GALNT1: variants seen among roughly 807,000 people sequenced by gnomAD.
GALNT1 encodes the protein GalNAc transferase 1.
GALNT1 carries 17 observed loss-of-function variants against 65.7 expected under a neutral mutation model. The ratio of observed to expected loss-of-function variants is 0.26; its 90% CI spans 0.18 to 0.39. The LOEUF is 0.39. Among genes scored for constraint, GALNT1 ranks in the 10% least tolerant of loss-of-function variants. The pLI is 1.00. For missense variants in GALNT1, 460 were observed against 672.8 expected (o/e 0.68, Z 3.50); for synonymous variants, 210 against 219.7 (o/e 0.96, Z 0.39).
chr18:35,623,363 T>C (rs533592349), intron 1 of GALNT1, among the ~76,000 whole-genome samples: 20 of 152,188 alleles, frequency 1.3e-4, no homozygotes, highest in Non-Finnish European at 2.4e-4. Context: ...TCTTTATCTT[T>C]GGTTTTCAAC....
upstream of GALNT1, chr18:35,581,434 G>T (rs1482734937): frequency 6.8e-6 from 1 of 146,658 alleles, no homozygotes; most frequent in African/African-American, 2.5e-5. Flanking sequence ...GCGCATCCGG[G>T]TGAGCGCCGG....
intron 1 of GALNT1, among the ~76,000 whole-genome samples, chr18:35,648,501 A>G (rs1388171857): frequency 6.6e-5 from 10 of 152,246 alleles, no homozygotes. Context: ...AGCATCTGTA[A>G]TTAATCACTA....
chr18:35,624,602 G>A (rs1419293855), intron 1 of GALNT1, among the ~76,000 whole-genome samples: 1 of 152,142 alleles, frequency 6.6e-6, no homozygotes, highest in Non-Finnish European at 1.5e-5. Context: ...GTCTATAGGT[G>A]TGGTTTCTCT....
intron 4 of GALNT1, among the ~76,000 whole-genome samples, chr18:35,680,255 C>G (rs1227075093): frequency 2.6e-5 from 4 of 152,122 alleles, no homozygotes; most frequent in Admixed American, 2.6e-4. Flanking sequence ...CCACCATCTC[C>G]CCAGCACTGT....
intron 9 of GALNT1, among the ~76,000 whole-genome samples, chr18:35,699,931 C>T (rs182344946): frequency 2.0e-5 from 3 of 152,104 alleles, no homozygotes; most frequent in Non-Finnish European, 4.4e-5. Context: ...TATGGAATTA[C>T]AATTTTGAAC....
chr18:35,697,595 A>G (rs1264712168), intron 9 of GALNT1, among the ~76,000 whole-genome samples: 1 of 152,188 alleles, frequency 6.6e-6, no homozygotes, highest in Non-Finnish European at 1.5e-5. Flanking sequence ...TGTTCTTCAG[A>G]TTGTGGTTTT....
chr18:35,649,099 TA>T (rs2047275889), intron 1 of GALNT1, among the ~76,000 whole-genome samples: 1 of 152,198 alleles, frequency 6.6e-6, no homozygotes, highest in African/African-American at 2.4e-5. Context: ...CCTGAATAAA[TA>T]GGAACGGGAT....
intron 4 of GALNT1, among the ~76,000 whole-genome samples, chr18:35,679,915 A>C (rs72964452): frequency 0.075 from 11,403 of 152,208 alleles, 458 homozygotes; most frequent in African/African-American, 0.095. Context: ...CTGGATATGG[A>C]AATAGACTAA....
rs1568013372 is a variant in GALNT1, at chr18:35,599,959, T to A, written c.-104+18097T>A. On this transcript the variant is annotated intron_variant, in intron 1 of 11. Transcript: ENST00000269195. ...TAATACATTTTGAAGTCAGGTAGTG[T>A]GATGCCTACAGCTTTATTCTTTTTG... 1.3e-5 allele frequency among the ~76,000 whole-genome samples: 2 copies of A among 152,246 alleles called. 1 individual carries two copies. The highest frequency in any genetic ancestry group is 4.1e-4 in the South Asian group (2 of 4,834).
At chr18:35,636,261 T>G (rs528504853) in intron 1 of GALNT1, among the ~76,000 whole-genome samples, 8 of 152,306 alleles carry the variant, frequency 5.3e-5, no homozygotes, top group African/African-American at 1.7e-4. Context: ...GAGTATAGAC[T>G]GTTTCCTCGA....
intron 1 of GALNT1, among the ~76,000 whole-genome samples, chr18:35,628,674 G>GGA (rs1182103022): frequency 3.2e-4 from 48 of 152,180 alleles, no homozygotes; most frequent in African/African-American, 1.1e-3. Flanking sequence ...CCTCCTCCAA[G>GGA]GGAACACAGC....
chr18:35,689,803 T>A (rs1408461776), intron 7 of GALNT1, among the ~76,000 whole-genome samples: 1 of 152,230 alleles, frequency 6.6e-6, no homozygotes, highest in Admixed American at 6.5e-5. Flanking sequence ...AGTCTTTGCA[T>A]TTCATGTTCA....
At chr18:35,685,157 A>G (rs964881461) in intron 5 of GALNT1, among the ~76,000 whole-genome samples, 1 of 152,164 alleles carries the variant, frequency 6.6e-6, no homozygotes, top group African/African-American at 2.4e-5. Context: ...TTACAGTGCA[A>G]ATCTGTTCAT....
At chr18:35,617,928 T>C (rs537095097) in intron 1 of GALNT1, among the ~76,000 whole-genome samples, 2 of 152,188 alleles carry the variant, frequency 1.3e-5, no homozygotes, top group South Asian at 2.1e-4. Context: ...TCCCTTTCTC[T>C]TCTTCTTTTC....
intron 1 of GALNT1, among the ~76,000 whole-genome samples, chr18:35,631,726 G>T (rs1370994907): frequency 6.6e-6 from 1 of 152,114 alleles, no homozygotes; most frequent in Non-Finnish European, 1.5e-5. Flanking sequence ...GCAGGAGAAA[G>T]AAATAAAGGG....
At chr18:35,697,691 T>C (rs2048082028) in intron 9 of GALNT1, among the ~76,000 whole-genome samples, 1 of 152,198 alleles carries the variant, frequency 6.6e-6, no homozygotes, top group South Asian at 2.1e-4. Context: ...CCCCACAATC[T>C]AAACTCTCAC....
intron 1 of GALNT1, among the ~76,000 whole-genome samples, chr18:35,620,510 TCCTC>T (rs1443725108): frequency 2.6e-4 from 39 of 152,180 alleles, no homozygotes; most frequent in African/African-American, 9.2e-4. Context: ...GCCCTTCCCT[TCCTC>T]CCTCCTCAGA....
At chr18:35,625,907 CT>C (rs2046911037) in intron 1 of GALNT1, among the ~76,000 whole-genome samples, 1 of 152,148 alleles carries the variant, frequency 6.6e-6, no homozygotes, top group African/African-American at 2.4e-5. Flanking sequence ...CTTACCTGGC[CT>C]TTGCTTTTCA....
rs2144802792 is a variant in GALNT1, at chr18:35,711,818, C to CAA, written c.*2051_*2052dup. 6.6e-6 allele frequency: 1 copy of CAA among 152,224 alleles called. No individual in the cohort carries two copies. The highest frequency in any genetic ancestry group is 2.1e-4 in the South Asian group (1 of 4,824). 9.4% of individuals were successfully genotyped at this position (152,224 alleles called of 1,614,324 possible). ...AGAATTCCTAAATACTTTGAAAATA[C>CAA]AAAATATTCCTGAATAGTTGTGCCT... On this transcript the variant is annotated 3_prime_UTR_variant, in exon 12 of 12. Transcript: ENST00000269195.
Sources: allele counts gnomAD v4.1 joint callset (sites outside exome capture counted in the v4.1 genomes callset), GRCh38; gene constraint gnomAD v4.1.1; transcripts MANE v1.5; gene names NCBI Gene and HGNC (gene_info 2026-07-23, HGNC 2026-07-21).